AFG2A: variants seen among roughly 807,000 people sequenced by gnomAD.
AFG2A encodes the protein AAA ATPase AFG2A.
At chr4:123,281,704 G>A in the AFG2A span, among the ~76,000 whole-genome samples, 2 of 151,944 alleles carry the variant, frequency 1.3e-5, no homozygotes, top group East Asian at 1.9e-4. Flanking sequence ...CCTTCAACAG[G>A]TGAATGGATG....
the AFG2A span, chr4:123,316,450 A>G: frequency 6.6e-6 from 1 of 152,208 alleles, no homozygotes; most frequent in South Asian, 2.1e-4. Flanking sequence ...AGACTTCCAT[A>G]TTGAAATAAA....
the AFG2A span, among the ~76,000 whole-genome samples, chr4:123,148,734 A>G: frequency 2.6e-5 from 4 of 151,942 alleles, no homozygotes; most frequent in Non-Finnish European, 5.9e-5. Context: ...GCAACATGAT[A>G]GAATTGAAGT....
chr4:123,057,362 T>C, the AFG2A span: 1 of 1,447,004 alleles, frequency 6.9e-7, no homozygotes, highest in Non-Finnish European at 9.6e-7. Context: ...ATGGTATAAA[T>C]AGCATTTTGT....
the AFG2A span, among the ~76,000 whole-genome samples, chr4:123,132,097 T>C: frequency 0.026 from 3,923 of 152,112 alleles, 160 homozygotes; most frequent in African/African-American, 0.086. Flanking sequence ...CTTGGCCTTT[T>C]CCCCCCCAGA....
the AFG2A span, among the ~76,000 whole-genome samples, chr4:123,273,348 C>CTAT: frequency 6.6e-6 from 1 of 151,950 alleles, no homozygotes; most frequent in South Asian, 2.1e-4. Context: ...TTTGAGGTGT[C>CTAT]TATAGATCAG....
chr4:123,172,153 G>A, the AFG2A span, among the ~76,000 whole-genome samples: 10 of 152,144 alleles, frequency 6.6e-5, no homozygotes, highest in Non-Finnish European at 1.3e-4. Flanking sequence ...TTTAGGAAGT[G>A]GGGTAATTAG....
the AFG2A span, among the ~76,000 whole-genome samples, chr4:123,041,111 A>T: frequency 4.0e-5 from 6 of 150,508 alleles, no homozygotes; most frequent in African/African-American, 1.2e-4. Flanking sequence ...TTTTTTATTT[A>T]TTATTATTAT....
At chr4:122,938,385 G>A in the AFG2A span, 1 of 1,015,046 alleles carries the variant, frequency 9.9e-7, no homozygotes, top group Non-Finnish European at 1.3e-6. Flanking sequence ...GCAACTAGGG[G>A]AAAGATCTGT....
the AFG2A span, among the ~76,000 whole-genome samples, chr4:123,138,796 C>T: frequency 6.6e-6 from 1 of 151,760 alleles, no homozygotes; most frequent in African/African-American, 2.4e-5. Flanking sequence ...AGACTGGGAA[C>T]CATACTTTAT....
At chr4:123,056,682 GATA>G in the AFG2A span, among the ~76,000 whole-genome samples, 1 of 151,882 alleles carries the variant, frequency 6.6e-6, no homozygotes, top group Admixed American at 6.6e-5. Flanking sequence ...CATTTTTTCT[GATA>G]ATAATAGCCA....
the AFG2A span, among the ~76,000 whole-genome samples, chr4:122,932,536 A>G: frequency 1.3e-5 from 2 of 151,936 alleles, no homozygotes; most frequent in Admixed American, 1.3e-4. Context: ...TCCCCCCTCC[A>G]CTGGTCACTG....
At chr4:123,204,183 T>G in the AFG2A span, among the ~76,000 whole-genome samples, 1 of 152,242 alleles carries the variant, frequency 6.6e-6, no homozygotes, top group East Asian at 1.9e-4. Context: ...TATTTCTCTT[T>G]GCTATGTAAA....
the AFG2A span, among the ~76,000 whole-genome samples, chr4:123,085,240 G>A: frequency 6.6e-6 from 1 of 152,106 alleles, no homozygotes; most frequent in Non-Finnish European, 1.5e-5. Flanking sequence ...TTGTGATTTA[G>A]TTCAACTATG....
At chr4:123,128,074 A>G in the AFG2A span, among the ~76,000 whole-genome samples, 5 of 152,184 alleles carry the variant, frequency 3.3e-5, no homozygotes, top group Middle Eastern at 3.2e-3. Flanking sequence ...TTACTGACAT[A>G]CCAGACAAGT....
chr4:123,076,146 C>CTA, the AFG2A span, among the ~76,000 whole-genome samples: 1 of 151,914 alleles, frequency 6.6e-6, no homozygotes, highest in Non-Finnish European at 1.5e-5. Context: ...TGGCACAAAC[C>CTA]TATAGTTCTA....
At chr4:123,278,605 C>A in the AFG2A span, among the ~76,000 whole-genome samples, 1 of 152,208 alleles carries the variant, frequency 6.6e-6, no homozygotes, top group African/African-American at 2.4e-5. Context: ...TATGAACTTC[C>A]CTCTCAACAC....
chr4:123,286,284 T>G, the AFG2A span, among the ~76,000 whole-genome samples: 1 of 152,212 alleles, frequency 6.6e-6, no homozygotes, highest in African/African-American at 2.4e-5. Context: ...ATTTTGTCAC[T>G]CTAAAACTTG....
the AFG2A span, among the ~76,000 whole-genome samples, chr4:122,944,456 G>A: frequency 3.3e-5 from 5 of 152,106 alleles, no homozygotes; most frequent in African/African-American, 1.2e-4. Context: ...CATTCTTCAC[G>A]TAGTTCTCGA....
the AFG2A span, among the ~76,000 whole-genome samples, chr4:123,114,221 C>T: frequency 2.6e-5 from 4 of 152,132 alleles, no homozygotes; most frequent in African/African-American, 7.2e-5. Context: ...GTCCATGGGC[C>T]TGCGGTAAAG....
Sources: gnomAD v4.1 joint callset for allele counts (sites outside exome capture counted in the v4.1 genomes callset) on GRCh38, gnomAD v4.1.1 for gene constraint, MANE v1.5 for transcripts, NCBI Gene and HGNC (gene_info 2026-07-23, HGNC 2026-07-21) for gene names.